NRG1: variants seen among roughly 807,000 people sequenced by gnomAD.
NRG1 encodes neuregulin 1.
In NRG1, 18 loss-of-function variants were observed where a neutral mutation model predicts 63.8. The observed-to-expected ratio is 0.28, with a 90% CI of 0.19 to 0.42. NRG1 has a LOEUF of 0.42. Ranked by LOEUF, NRG1 falls within the 10% of genes least tolerant of loss-of-function variation. NRG1 has a pLI of 1.00. For missense variants in NRG1, 762 were observed against 814.7 expected, an observed-to-expected ratio of 0.94 and a Z score of 0.79; for synonymous variants, 302 against 301.3, an observed-to-expected ratio of 1.00 and a Z score of -0.02.
In NRG1 at chr8:31,747,057, G is replaced by T. The variant is rs1815950369; in HGVS notation, c.37+107626G>T. 2.0e-5 allele frequency among the ~76,000 whole-genome samples: 3 copies of T among 151,728 alleles called. No homozygotes were observed. In the South Asian group the frequency reaches 6.2e-4, roughly 31 times the overall value. On this transcript the variant is annotated intron_variant, in intron 1 of 10. Transcript: ENST00000519301. The stretch of plus-strand genomic sequence containing the variant: ...GTTGGGGAGGTAGGGGTGGTTAATA[G>T]GTACAAAAAGGTAGTTAGAAAGAAT...
At chr8:32,312,165 T>TG (rs1465667963) in intron 1 of NRG1, among the ~76,000 whole-genome samples, 1 of 131,280 alleles carries the variant, frequency 7.6e-6, no homozygotes, top group African/African-American at 2.9e-5. Flanking sequence ...TTGTTTTTTT[T>TG]TTTTTTTTTT....
At chr8:31,696,962 G>C (rs1810130184) in intron 1 of NRG1, among the ~76,000 whole-genome samples, 1 of 152,086 alleles carries the variant, frequency 6.6e-6, no homozygotes, top group Non-Finnish European at 1.5e-5. Flanking sequence ...TGAAGTCAGG[G>C]CTCCTAGTTT....
At chr8:32,763,202 C>CTTTTT in intron 11 of NRG1, 1 of 1,587,826 alleles carries the variant, frequency 6.3e-7, no homozygotes, top group Admixed American at 1.7e-5. Context: ...TTACTATGCT[C>CTTTTT]TTTTTTTTTC....
intron 1 of NRG1, among the ~76,000 whole-genome samples, chr8:32,159,053 C>T (rs950268701): frequency 6.6e-6 from 1 of 151,948 alleles, no homozygotes; most frequent in South Asian, 2.1e-4. Flanking sequence ...AAAAGAATGC[C>T]CCATACACAT....
At chr8:31,746,438 AC>A (rs1563354158) in intron 1 of NRG1, among the ~76,000 whole-genome samples, 1 of 152,004 alleles carries the variant, frequency 6.6e-6, no homozygotes, top group Non-Finnish European at 1.5e-5. Context: ...AGTGTTTGCT[AC>A]AATCAAGACA....
intron 1 of NRG1, among the ~76,000 whole-genome samples, chr8:31,910,728 G>C (rs930713169): frequency 6.6e-6 from 1 of 152,258 alleles, no homozygotes; most frequent in Non-Finnish European, 1.5e-5. Flanking sequence ...ATTAAGAATA[G>C]GGGATAGGAT....
At chr8:32,339,017 C>A (rs911365397) in intron 1 of NRG1, among the ~76,000 whole-genome samples, 1 of 152,004 alleles carries the variant, frequency 6.6e-6, no homozygotes, top group African/African-American at 2.4e-5. Flanking sequence ...AGCACATGAA[C>A]AAATTAAATC....
rs145328163 is a variant in NRG1 at position 32,655,099 on chromosome 8, G to A, written c.502+38214G>A. ...GGAAAACTCCAAGTCCTAGGCCTGA[G>A]ACATAAAAAATATGAAACCAGCACC... is the stretch of plus-strand genomic sequence containing the variant. On this transcript the variant is annotated intron_variant, in intron 5 of 11. Coordinates refer to ENST00000356819, the Ensembl canonical transcript of NRG1. Among the ~76,000 whole-genome samples, 168 of 152,266 alleles carry A rather than the reference G, an allele frequency of 1.1e-3. 1 individual carries two copies. The highest frequency in any genetic ancestry group is 3.4e-3 in the Middle Eastern group (1 of 294).
At chr8:32,715,129 A>T (rs945126855) in intron 5 of NRG1, among the ~76,000 whole-genome samples, 2 of 152,056 alleles carry the variant, frequency 1.3e-5, no homozygotes, top group East Asian at 1.9e-4. Flanking sequence ...GCTAATTTTT[A>T]AAATTGTTGT....
At chr8:31,691,508 C>A (rs573094216) in intron 1 of NRG1, among the ~76,000 whole-genome samples, 1 of 140,470 alleles carries the variant, frequency 7.1e-6, no homozygotes, top group Admixed American at 7.9e-5. Context: ...GGCGGGAGAA[C>A]GGCATGAACC....
At chr8:31,945,895 G>T (rs2129621748) in intron 1 of NRG1, among the ~76,000 whole-genome samples, 1 of 152,262 alleles carries the variant, frequency 6.6e-6, no homozygotes, top group African/African-American at 2.4e-5. Flanking sequence ...ACTATCATCT[G>T]CAGATTTCAT....
At chr8:32,671,880 G>C (rs925976606) in intron 5 of NRG1, among the ~76,000 whole-genome samples, 1 of 152,190 alleles carries the variant, frequency 6.6e-6, no homozygotes, top group Admixed American at 6.5e-5. Context: ...TCCACTTTAA[G>C]TGAAAAGAAA....
At chr8:32,623,200 C>G (rs966966728) in intron 5 of NRG1, among the ~76,000 whole-genome samples, 1 of 152,142 alleles carries the variant, frequency 6.6e-6, no homozygotes, top group Non-Finnish European at 1.5e-5. Context: ...GAATAGCACA[C>G]TAATATGTAT....
chr8:32,559,944 C>T (rs10101464), intron 1 of NRG1, among the ~76,000 whole-genome samples: 40,938 of 151,888 alleles, frequency 0.27, 5,698 homozygotes, highest in South Asian at 0.37. Flanking sequence ...ATCACTTGAG[C>T]TCTCAGAGGT....
intron 1 of NRG1, among the ~76,000 whole-genome samples, chr8:32,199,763 T>C (rs1843313793): frequency 6.6e-6 from 1 of 152,164 alleles, no homozygotes; most frequent in Non-Finnish European, 1.5e-5. Context: ...TTTAGTAATT[T>C]TTAAAATTCT....
chr8:32,447,146 C>G (rs986788600), intron 1 of NRG1, among the ~76,000 whole-genome samples: 1 of 151,572 alleles, frequency 6.6e-6, no homozygotes, highest in Non-Finnish European at 1.5e-5. Flanking sequence ...CAGCCTCCCA[C>G]GTAGCTGGGA....
intron 1 of NRG1, among the ~76,000 whole-genome samples, chr8:32,057,009 A>G (rs1015384440): frequency 1.3e-5 from 2 of 152,146 alleles, no homozygotes; most frequent in South Asian, 2.1e-4. Context: ...ATCTTTTGCT[A>G]TCACCTACCC....
chr8:31,844,447 G>C (rs1338209803), intron 1 of NRG1, among the ~76,000 whole-genome samples: 2 of 152,080 alleles, frequency 1.3e-5, no homozygotes. Context: ...TTTGCCTCTA[G>C]GTAGAAGCTC....
intron 1 of NRG1, among the ~76,000 whole-genome samples, chr8:31,961,271 T>C (rs1034021257): frequency 6.6e-6 from 1 of 152,168 alleles, no homozygotes; most frequent in Admixed American, 6.5e-5. Flanking sequence ...TGGAAGAGCA[T>C]CCAAATCAGT....
Sources: allele counts gnomAD v4.1 joint callset (sites outside exome capture counted in the v4.1 genomes callset), GRCh38; gene constraint gnomAD v4.1.1; transcripts MANE v1.5; gene names NCBI Gene and HGNC (gene_info 2026-07-23, HGNC 2026-07-21).